Variants in NAALADL2 observed in about 807,000 individuals in gnomAD.
The protein encoded by NAALADL2 is N-acetylated alpha-linked acidic dipeptidase like 2.
Under a neutral mutation model 87.2 loss-of-function variants are expected in NAALADL2, and 76 were observed. The ratio of observed to expected loss-of-function variants is 0.87; its 90% CI spans 0.72 to 1.05. The LOEUF is 1.05. Ranked by LOEUF, NAALADL2 falls within the 50% of genes least tolerant of loss-of-function variation. NAALADL2 has a pLI of 0.00. For missense variants in NAALADL2, 1,089 were observed against 945.8 expected, an observed-to-expected ratio of 1.15 and a Z score of -1.99; for synonymous variants, 354 against 331.0, an observed-to-expected ratio of 1.07 and a Z score of -0.75.
At chr3:175,429,850 G>A (rs538594218) in intron 5 of NAALADL2, among the ~76,000 whole-genome samples, 16 of 151,592 alleles carry the variant, frequency 1.1e-4, no homozygotes, top group Middle Eastern at 3.4e-3. Context: ...AATGTCACAG[G>A]GTAATATGTA....
At chr3:175,615,490 A>T (rs2149684101) in intron 10 of NAALADL2, among the ~76,000 whole-genome samples, 1 of 152,290 alleles carries the variant, frequency 6.6e-6, no homozygotes, top group East Asian at 1.9e-4. Flanking sequence ...AGATGAGAAA[A>T]CTGAGGCACA....
At chr3:174,994,171 A>C (rs961737667) in intron 1 of NAALADL2, among the ~76,000 whole-genome samples, 1 of 152,172 alleles carries the variant, frequency 6.6e-6, no homozygotes, top group African/African-American at 2.4e-5. Flanking sequence ...GTGAAACAGA[A>C]AGTGACTAAA....
chr3:174,475,783 TG>T (rs1234363517), intron 1 of NAALADL2, among the ~76,000 whole-genome samples: 1 of 152,050 alleles, frequency 6.6e-6, no homozygotes, highest in Non-Finnish European at 1.5e-5. Context: ...ATATATGGTG[TG>T]TCTGTCCATA....
At chr3:174,886,573 AG>A (rs1730178222) in intron 1 of NAALADL2, among the ~76,000 whole-genome samples, 1 of 152,210 alleles carries the variant, frequency 6.6e-6, no homozygotes, top group Admixed American at 6.5e-5. Flanking sequence ...GACCAAGGAA[AG>A]AAGAGTTAAG....
At chr3:175,454,867 G>A (rs1722095442) in intron 6 of NAALADL2, among the ~76,000 whole-genome samples, 1 of 151,774 alleles carries the variant, frequency 6.6e-6, no homozygotes, top group Non-Finnish European at 1.5e-5. Context: ...AGATTGATTG[G>A]CATATAAATC....
At chr3:175,725,423 CT>C (rs774108291) in intron 11 of NAALADL2, among the ~76,000 whole-genome samples, 133 of 152,206 alleles carry the variant, frequency 8.7e-4, no homozygotes, top group Admixed American at 2.4e-3. Flanking sequence ...CTCTACTTCC[CT>C]TTTTAGGCTC....
rs529406943 is a variant in NAALADL2, at chr3:175,554,808, AAC to A, written c.1654-21229_1654-21228del. Among the ~76,000 whole-genome samples, 83 of 152,272 alleles carry A rather than the reference AAC, an allele frequency of 5.5e-4. 1 individual carries two copies. Among genetic ancestry groups the A allele is most frequent in the African/African-American group, 1.9e-3 (81 of 41,564 alleles). ...ATACTGCTTAAAGTGAAAAATAATA[AAC>A]ACAGCTGTATGAATTCTAACTTATC... On this transcript the variant is annotated intron_variant, in intron 9 of 13. Coordinates refer to ENST00000454872, the MANE Select transcript of NAALADL2 (RefSeq NM_207015.3).
intron 3 of NAALADL2, among the ~76,000 whole-genome samples, chr3:174,846,658 T>A (rs1724656408): frequency 6.6e-6 from 1 of 152,200 alleles, no homozygotes; most frequent in African/African-American, 2.4e-5. Context: ...GTATGATATA[T>A]TCTTAGATTT....
chr3:175,417,117 GAA>G (rs11424007), intron 5 of NAALADL2, among the ~76,000 whole-genome samples: 5 of 125,468 alleles, frequency 4.0e-5, no homozygotes, highest in African/African-American at 6.1e-5. Flanking sequence ...GAAGAGAAAA[GAA>G]AAAAAAAAAA....
At chr3:174,681,329 G>T (rs1727514639) in intron 2 of NAALADL2, among the ~76,000 whole-genome samples, 1 of 152,098 alleles carries the variant, frequency 6.6e-6, no homozygotes, top group African/African-American at 2.4e-5. Flanking sequence ...GTAGACTTGG[G>T]GGCCACATGA....
intron 2 of NAALADL2, among the ~76,000 whole-genome samples, chr3:174,578,251 A>G (rs1374086674): frequency 2.6e-5 from 4 of 152,014 alleles, no homozygotes. Context: ...CATTTTTGTG[A>G]CAATAATTGA....
At chr3:175,126,248 G>T (rs977009493) in intron 2 of NAALADL2, among the ~76,000 whole-genome samples, 48 of 152,150 alleles carry the variant, frequency 3.2e-4, no homozygotes, top group African/African-American at 1.1e-3. Flanking sequence ...TAAAAGAGGC[G>T]ATTGACTTAG....
intron 2 of NAALADL2, among the ~76,000 whole-genome samples, chr3:175,187,546 A>G (rs1737528345): frequency 6.6e-6 from 1 of 152,218 alleles, no homozygotes; most frequent in South Asian, 2.1e-4. Flanking sequence ...TGTAGATTGT[A>G]GAACAAAGTG....
intron 2 of NAALADL2, among the ~76,000 whole-genome samples, chr3:174,616,583 T>C (rs1332476579): frequency 6.6e-6 from 1 of 151,902 alleles, no homozygotes; most frequent in Non-Finnish European, 1.5e-5. Context: ...GGAAGCTGTG[T>C]ACTACTCTTG....
intron 5 of NAALADL2, among the ~76,000 whole-genome samples, chr3:175,445,879 G>A (rs755460822): frequency 5.1e-4 from 77 of 151,906 alleles, no homozygotes; most frequent in Admixed American, 2.6e-3. Flanking sequence ...CACTAATCTG[G>A]TCTTCCTAGA....
chr3:175,426,217 G>T (rs556273028), intron 5 of NAALADL2, among the ~76,000 whole-genome samples: 5 of 152,170 alleles, frequency 3.3e-5, no homozygotes, highest in African/African-American at 1.2e-4. Context: ...ACAAAAATTC[G>T]CTGGACGTGG....
chr3:175,237,015 T>C (rs1203686494), intron 3 of NAALADL2, among the ~76,000 whole-genome samples: 3 of 152,148 alleles, frequency 2.0e-5, no homozygotes, highest in African/African-American at 7.2e-5. Flanking sequence ...CTATGTAGTG[T>C]CCATTGTTAG....
chr3:174,447,543 C>T (rs528846837), intron 1 of NAALADL2, among the ~76,000 whole-genome samples: 79 of 152,212 alleles, frequency 5.2e-4, no homozygotes, highest in African/African-American at 1.7e-3. Flanking sequence ...TTTGGCCGGG[C>T]GAGGTGGCTA....
chr3:174,723,966 A>G (rs1308402617), intron 2 of NAALADL2, among the ~76,000 whole-genome samples: 2 of 151,952 alleles, frequency 1.3e-5, no homozygotes, highest in African/African-American at 2.4e-5. Context: ...GAGCAAATAT[A>G]TATGTGTTTG....
Sources: allele counts gnomAD v4.1 joint callset (sites outside exome capture counted in the v4.1 genomes callset), GRCh38; gene constraint gnomAD v4.1.1; transcripts MANE v1.5; gene names NCBI Gene and HGNC (gene_info 2026-07-23, HGNC 2026-07-21).